PLXNA4: variants seen among roughly 807,000 people sequenced by gnomAD.
PLXNA4 encodes plexin A4.
PLXNA4 carries 44 observed loss-of-function variants against 191.8 expected under a neutral mutation model. The ratio of observed to expected loss-of-function variants is 0.23; its 90% CI spans 0.18 to 0.29. The LOEUF is 0.29. Among genes scored for constraint, PLXNA4 ranks in the 10% least tolerant of loss-of-function variants. The pLI, the probability that PLXNA4 is intolerant of heterozygous loss-of-function variation, is 1.00. For missense variants in PLXNA4, 1,800 were observed against 2,488.8 expected (o/e 0.72, Z 5.89); for synonymous variants, 1,082 against 1,009.5 (o/e 1.07, Z -1.36).
intron 3 of PLXNA4, among the ~76,000 whole-genome samples, chr7:132,364,641 T>C (rs568037823): frequency 2.5e-4 from 38 of 152,172 alleles, no homozygotes; most frequent in Admixed American, 2.4e-3. Context: ...AGCAAAACCA[T>C]CCAAAACTAT....
intron 10 of PLXNA4, among the ~76,000 whole-genome samples, chr7:132,205,030 G>A (rs1196114357): frequency 2.6e-5 from 4 of 152,190 alleles, no homozygotes; most frequent in Non-Finnish European, 4.4e-5. Context: ...TACCCCCGTC[G>A]TTGAATCTCT....
chr7:132,584,700 A>G (rs1318461572), intron 2 of PLXNA4, among the ~76,000 whole-genome samples: 1 of 152,238 alleles, frequency 6.6e-6, no homozygotes, highest in Non-Finnish European at 1.5e-5. Context: ...AGGATACACA[A>G]AAAACTTAAC....
At chr7:132,288,542 C>T (rs999851391) in intron 4 of PLXNA4, among the ~76,000 whole-genome samples, 6 of 152,180 alleles carry the variant, frequency 3.9e-5, no homozygotes, top group Admixed American at 3.3e-4. Context: ...TTTCCTGTCA[C>T]TCATTCCTCA....
At chr7:132,172,327 T>C (rs1796310854) in intron 21 of PLXNA4, among the ~76,000 whole-genome samples, 1 of 152,190 alleles carries the variant, frequency 6.6e-6, no homozygotes, top group Non-Finnish European at 1.5e-5. Flanking sequence ...AAAAGGTTGG[T>C]ACATGACCAG....
intron 21 of PLXNA4, among the ~76,000 whole-genome samples, chr7:132,169,487 C>A (rs1017823377): frequency 1.3e-5 from 2 of 152,174 alleles, no homozygotes; most frequent in Non-Finnish European, 2.9e-5. Flanking sequence ...TGGTGTATTC[C>A]ACCCAATGGA....
In PLXNA4 at chr7:132,126,971, G is replaced by T. The variant is rs893017441; in HGVS notation, c.*3508C>A. ...ATTTGCAGCTACCAAGAAATGTCAG[G>T]GTCTCTCCTTATGGGGAAGGACAAA... is the stretch of plus-strand genomic sequence containing the variant. On this transcript the variant is annotated 3_prime_UTR_variant, in exon 32 of 32. Transcript: ENST00000321063. 2 of 152,104 alleles carry T rather than the reference G, an allele frequency of 1.3e-5. No homozygotes were observed. The highest frequency in any genetic ancestry group is 4.8e-5 in the African/African-American group (2 of 41,370). The allele number at this position is 152,104 out of a possible 1,614,324, so 9.4% of individuals were successfully genotyped here. A position where few individuals can be genotyped will look rare whatever the true frequency, so the allele number is the denominator to read the frequency against.
chr7:132,175,273 A>T (rs1796420152), intron 20 of PLXNA4, among the ~76,000 whole-genome samples: 1 of 152,038 alleles, frequency 6.6e-6, no homozygotes. Context: ...TATGCTGGGG[A>T]GGGGGATGTA....
At chr7:132,503,598 G>C (rs2116207368) in intron 2 of PLXNA4, among the ~76,000 whole-genome samples, 3 of 152,328 alleles carry the variant, frequency 2.0e-5, no homozygotes, top group Middle Eastern at 3.4e-3. Context: ...CAGCCTTACT[G>C]TCTGTCACAT....
chr7:132,428,478 C>T (rs1795134644), intron 3 of PLXNA4, among the ~76,000 whole-genome samples: 1 of 152,230 alleles, frequency 6.6e-6, no homozygotes, highest in African/African-American at 2.4e-5. Context: ...GGAGCTCTAC[C>T]AGTGTCAGCA....
At chr7:132,490,402 T>C (rs1318441451) in intron 2 of PLXNA4, among the ~76,000 whole-genome samples, 4 of 151,266 alleles carry the variant, frequency 2.6e-5, no homozygotes, top group African/African-American at 7.3e-5. Context: ...CTAAACATTT[T>C]ATTCACTGAA....
chr7:132,612,087 G>GA (rs11464827), intron 2 of PLXNA4, among the ~76,000 whole-genome samples: 149,993 of 152,282 alleles, frequency 0.98, 73,913 homozygotes, highest in East Asian at 1. Context: ...AGAAAAACAA[G>GA]GCAAAATGTC....
chr7:132,363,792 A>G (rs747713116), intron 3 of PLXNA4, among the ~76,000 whole-genome samples: 3 of 152,232 alleles, frequency 2.0e-5, no homozygotes, highest in Non-Finnish European at 2.9e-5. Context: ...CTTACATTTC[A>G]ATTAGTAATG....
At chr7:132,563,962 TTCTTTCTCCTCCTCC>T in intron 1 of PLXNA4, among the ~76,000 whole-genome samples, 1 of 78,706 alleles carries the variant, frequency 1.3e-5, no homozygotes. Context: ...TTCCTCCCCA[TTCTTTCTCCTCCTCC>T]TCCTTCTCCT....
intron 1 of PLXNA4, among the ~76,000 whole-genome samples, chr7:132,537,640 A>G (rs1228005615): frequency 1.3e-5 from 2 of 152,202 alleles, no homozygotes; most frequent in Non-Finnish European, 2.9e-5. Context: ...GGTGGGAGGC[A>G]TCTACTCAAC....
At chr7:132,479,780 G>C (rs754380040) in intron 3 of PLXNA4, among the ~76,000 whole-genome samples, 2 of 152,144 alleles carry the variant, frequency 1.3e-5, no homozygotes, top group Non-Finnish European at 2.9e-5. Flanking sequence ...CTCTGGAGTA[G>C]CTGGGACTAC....
intron 1 of PLXNA4, among the ~76,000 whole-genome samples, chr7:132,534,059 G>T (rs190830187): frequency 6.6e-6 from 1 of 152,136 alleles, no homozygotes; most frequent in African/African-American, 2.4e-5. Context: ...TGCTTTATGA[G>T]AACTCCCAAG....
intron 3 of PLXNA4, chr7:132,484,825 A>G: frequency 6.2e-7 from 1 of 1,614,054 alleles, no homozygotes; most frequent in South Asian, 1.1e-5. Context: ...TTTAGGAAGA[A>G]TTCCCAGGTA....
intron 21 of PLXNA4, among the ~76,000 whole-genome samples, chr7:132,171,391 G>A (rs554076702): frequency 8.5e-5 from 13 of 152,296 alleles, no homozygotes; most frequent in East Asian, 3.9e-4. Flanking sequence ...GTGCCCGTTC[G>A]TCCTCCCCAT....
chr7:132,412,371 G>A (rs972070359), intron 3 of PLXNA4, among the ~76,000 whole-genome samples: 1 of 152,170 alleles, frequency 6.6e-6, no homozygotes, highest in Non-Finnish European at 1.5e-5. Flanking sequence ...CAACAGTCAA[G>A]AAGTCAGGTG....
Sources: gnomAD v4.1 joint callset for allele counts (sites outside exome capture counted in the v4.1 genomes callset) on GRCh38, gnomAD v4.1.1 for gene constraint, MANE v1.5 for transcripts, NCBI Gene and HGNC (gene_info 2026-07-23, HGNC 2026-07-21) for gene names.